The following SIRPA variants were observed in gnomAD, a reference collection of about 807,000 sequenced individuals.
The protein encoded by SIRPA is tyrosine-protein phosphatase non-receptor type substrate 1.
Under a neutral mutation model 50.3 loss-of-function variants are expected in SIRPA, and 9 were observed. The observed-to-expected ratio is 0.18, with a 90% confidence interval of 0.11 to 0.31. The LOEUF (loss-of-function observed/expected upper bound fraction) is 0.31, where lower values mean the gene tolerates loss of function less well. SIRPA is among the 10% of genes least tolerant of loss of function. The probability of loss-of-function intolerance (pLI) is 1.00; values close to 1 mark genes in which losing one functional copy is unlikely to be tolerated. For missense variants in SIRPA, 474 were observed against 661.6 expected, an observed-to-expected ratio of 0.72 and a Z score of 3.11; for synonymous variants, 265 against 284.1, an observed-to-expected ratio of 0.93 and a Z score of 0.68.
At position 1,921,603 on chromosome 20, in the gene SIRPA, G is replaced by T; in HGVS notation, c.645G>T (p.Val215=). The part of the protein sequence containing the change: ...VSYSIHSTAK[V]VLTREDVHSQ... Reference sequence around the variant, plus strand: ...ACAGCATCCACAGCACAGCCAAGGTGGTGCTGACCCGCGAGGACGTTCACT... The same window carrying T: ...ACAGCATCCACAGCACAGCCAAGGTTGTGCTGACCCGCGAGGACGTTCACT... The change falls in exon 3 of 8, where the codon GTG becomes GTT. Residue 215 remains valine, a synonymous_variant. Coordinates refer to ENST00000358771, the MANE Select transcript of SIRPA (RefSeq NM_001040023.2). 6.2e-7 allele frequency: 1 copy of T among 1,614,246 alleles called. No individual in the cohort carries two copies. Among genetic ancestry groups the T allele is most frequent in the Non-Finnish European group, 8.5e-7 (1 of 1,180,050 alleles).
chr20:1,904,124 C>A lies in SIRPA; in HGVS notation c.79+8598C>A, dbSNP rs538768244. Among the ~76,000 whole-genome samples the A allele has an allele frequency of 2.0e-4, 30 of 152,246 alleles. 1 individual carries two copies. The highest frequency in any genetic ancestry group is 7.8e-4 in the Admixed American group (12 of 15,290). The stretch of plus-strand genomic sequence containing the variant: ...TTCCCTAACTACCACAGTCCCCCCC[C>A]TGCAGCCAGGGCCGGGATCATACCA... On this transcript the variant is annotated intron_variant, in intron 1 of 7. Coordinates refer to ENST00000358771, the MANE Select transcript of SIRPA (RefSeq NM_001040023.2).
chr20:1,909,692 G>A (rs771779962), intron 1 of SIRPA, among the ~76,000 whole-genome samples: 3 of 152,190 alleles, frequency 2.0e-5, no homozygotes, highest in Non-Finnish European at 2.9e-5. Context: ...TGAGGCAGGA[G>A]AATTGCTTGA....
intron 1 of SIRPA, among the ~76,000 whole-genome samples, chr20:1,902,761 C>A (rs907223958): frequency 2.0e-5 from 3 of 152,132 alleles, no homozygotes; most frequent in African/African-American, 7.2e-5. Flanking sequence ...CCTATAATCC[C>A]AGCACTTTGG....
At position 1,937,441 on chromosome 20, in the gene SIRPA, C is replaced by G. The variant is rs370724960; in HGVS notation, c.1388C>G (p.Ala463Gly). The G allele has an allele frequency of 7.4e-5, 120 of 1,614,000 alleles. No homozygotes were observed. Among genetic ancestry groups the G allele is most frequent in the Non-Finnish European group, 9.3e-5 (110 of 1,180,024 alleles). Residue 463 changes from alanine (A) to glycine (G), a missense_variant, in exon 8 of 8, where the codon GCG becomes GGG. Physicochemically the swap from Ala to Gly is moderately conservative, Grantham distance 60. Around this residue, in one of 4 missense-constraint regions of SIRPA, gnomAD observed 180 missense variants for 206.7 expected, o/e 0.87. Coordinates refer to ENST00000358771, the MANE Select transcript of SIRPA (RefSeq NM_001040023.2). This position sits in a 1 kb window ranked among gnomAD's most constrained non-coding sequence, Gnocchi z 8.3. ...YASIQTSPQP[A>G]SEDTLTYADL... is the part of the protein sequence containing the mutation. ...AGCATTCAGACCAGCCCGCAGCCCGCGTCGGAGGACACCCTCACCTATGCT... is the reference window on the plus strand; with the variant it reads ...AGCATTCAGACCAGCCCGCAGCCCGGGTCGGAGGACACCCTCACCTATGCT...
upstream of SIRPA, chr20:1,894,713 G>A (rs1983650520): frequency 6.7e-6 from 1 of 148,548 alleles, no homozygotes; most frequent in African/African-American, 2.4e-5. This position sits in a 1 kb window ranked among gnomAD's most constrained non-coding sequence, Gnocchi z 4.0. Context: ...GGGGGAGGAC[G>A]CTGCCCTCCC....
intron 1 of SIRPA, among the ~76,000 whole-genome samples, chr20:1,903,136 G>C (rs750000366): frequency 5.9e-5 from 9 of 152,154 alleles, no homozygotes; most frequent in Non-Finnish European, 1.2e-4. Flanking sequence ...GAATGAGCTT[G>C]TATGTTCCAG....
intron 2 of SIRPA, among the ~76,000 whole-genome samples, chr20:1,919,396 G>A (rs939581733): frequency 6.6e-6 from 1 of 152,128 alleles, no homozygotes; most frequent in Non-Finnish European, 1.5e-5. Context: ...CTCTTGGGGT[G>A]CCAGATGGGA....
upstream of SIRPA, chr20:1,895,315 G>A: frequency 1.9e-6 from 1 of 532,802 alleles, no homozygotes; most frequent in Non-Finnish European, 2.9e-6. Context: ...CCAGGCGCCC[G>A]TTCCGGAGTC....
rs532202668 is a variant in SIRPA at position 1,928,196 on chromosome 20, A to C, written c.1226+297A>C. On this transcript the variant is annotated intron_variant, in intron 6 of 7. Transcript: ENST00000358771. This position sits in a 1 kb window ranked among gnomAD's most constrained non-coding sequence, Gnocchi z 4.9. ...GAGACCTCCCGGGCTTTCTGTCCTC[A>C]CAGACATCCTGCACACGCCACCGGA... Among the ~76,000 whole-genome samples the C allele has an allele frequency of 1.4e-3, 216 of 152,238 alleles. 1 individual carries two copies. The highest frequency in any genetic ancestry group is 5.1e-4 in the Non-Finnish European group (35 of 68,032).
In SIRPA at chr20:1,938,791, T is replaced by G. The variant is rs1986736821; in HGVS notation, c.*1223T>G. On this transcript the variant is annotated 3_prime_UTR_variant, in exon 8 of 8. Coordinates refer to ENST00000358771, the MANE Select transcript of SIRPA (RefSeq NM_001040023.2). ...CTTATCGAGACCCAATGCCTCAGTCTGCTCATCCGTAAAGTGGGGATAGTG... is the reference window on the plus strand; with the variant it reads ...CTTATCGAGACCCAATGCCTCAGTCGGCTCATCCGTAAAGTGGGGATAGTG... 6.6e-6 allele frequency: 1 copy of G among 152,556 alleles called. No individual in the cohort carries two copies. 9.5% of individuals were successfully genotyped at this position (152,556 alleles called of 1,614,324 possible).
chr20:1,901,571 T>G (rs1838173105), intron 1 of SIRPA, among the ~76,000 whole-genome samples: 1 of 152,162 alleles, frequency 6.6e-6, no homozygotes, highest in African/African-American at 2.4e-5. Flanking sequence ...AGCATCTATT[T>G]TCACAGCTGA....
rs2076553 is a variant in SIRPA at position 1,934,305 on chromosome 20, C to T, written c.1227-410C>T. Among the ~76,000 whole-genome samples, 14,233 of 152,112 alleles carry T rather than the reference C, an allele frequency of 0.094. 1,402 individuals are homozygous for T. Among genetic ancestry groups the T allele is most frequent in the East Asian group, 0.54 (2,795 of 5,150 alleles). On this transcript the variant is annotated intron_variant, in intron 6 of 7. Coordinates refer to ENST00000358771, the MANE Select transcript of SIRPA (RefSeq NM_001040023.2). This position sits in a 1 kb window ranked among gnomAD's most constrained non-coding sequence, Gnocchi z 4.6. Reference sequence around the variant, plus strand: ...GAAAGCTTTTTCTATATTTTGAATTCCCCCAAAAAAAAGTGCAATTATGAG... The same window carrying T: ...GAAAGCTTTTTCTATATTTTGAATTTCCCCAAAAAAAAGTGCAATTATGAG...
intron 1 of SIRPA, among the ~76,000 whole-genome samples, chr20:1,912,092 C>T (rs1189716983): frequency 6.6e-6 from 1 of 152,124 alleles, no homozygotes; most frequent in Non-Finnish European, 1.5e-5. Context: ...AATCTGGCTG[C>T]AGTCGGTGGA....
chr20:1,910,365 C>T (rs976679227), intron 1 of SIRPA, among the ~76,000 whole-genome samples: 2 of 152,068 alleles, frequency 1.3e-5, no homozygotes, highest in Non-Finnish European at 1.5e-5. Context: ...TTTTCCAAAA[C>T]CAATAAATGT....
At chr20:1,904,717 C>T (rs1220272169) in intron 1 of SIRPA, among the ~76,000 whole-genome samples, 1 of 152,184 alleles carries the variant, frequency 6.6e-6, no homozygotes, top group African/African-American at 2.4e-5. Flanking sequence ...GCGGGGAGAC[C>T]TGGAACCCAC....
rs758259237 is a variant in SIRPA at position 1,915,227 on chromosome 20, A to G, written c.208A>G (p.Arg70Gly). The change falls in exon 2 of 8, where the codon AGA (arginine) becomes GGA (glycine). Residue 70 changes from arginine (R) to glycine (G), a missense_variant. Physicochemically the swap from Arg to Gly is moderately radical, Grantham distance 125. Coordinates refer to ENST00000358771, the MANE Select transcript of SIRPA (RefSeq NM_001040023.2). ...LIPVGPIQWF[R>G]GAGPGRELIY... Reference sequence around the variant, plus strand: ...CCCTGTGGGGCCCATCCAGTGGTTCAGAGGAGCTGGACCAGGCCGGGAATT... The same window carrying G: ...CCCTGTGGGGCCCATCCAGTGGTTCGGAGGAGCTGGACCAGGCCGGGAATT... The G allele has an allele frequency of 6.2e-7, 1 of 1,610,974 alleles. No homozygotes were observed. Among genetic ancestry groups the G allele is most frequent in the African/African-American group, 1.3e-5 (1 of 74,264 alleles).
rs6136470 is a variant in SIRPA, at chr20:1,939,944, G to C, written c.*2376G>C. 6.6e-6 allele frequency: 1 copy of C among 152,468 alleles called. No homozygotes were observed. The highest frequency in any genetic ancestry group is 1.5e-5 in the Non-Finnish European group (1 of 68,052). 9.4% of individuals were successfully genotyped at this position (152,468 alleles called of 1,614,324 possible). On this transcript the variant is annotated 3_prime_UTR_variant, in exon 8 of 8. Transcript: ENST00000358771. The surrounding 1 kb of genome is among the most constrained non-coding windows in gnomAD (Gnocchi z 4.7). ...GTCTTTGTGAGTGCGTCCCGGGGCC[G>C]CCTCGGGGCCTGCCTGCCCTCCTGC...
chr20:1,914,572 T>C (rs78459689), intron 1 of SIRPA, among the ~76,000 whole-genome samples: 60,894 of 150,416 alleles, frequency 0.4, 12,721 homozygotes, highest in East Asian at 0.66. Context: ...TATTCTTGGT[T>C]ACCTGAGTGG....
chr20:1,925,029 C>G (rs1985898744), intron 5 of SIRPA, 152 bp downstream of exon 5: 1 of 654,250 alleles, frequency 1.5e-6, no homozygotes, highest in Non-Finnish European at 2.7e-6. Context: ...AGTGGCCTCA[C>G]CATGTTAGAG....
Sources: gnomAD v4.1 joint callset for allele counts (sites outside exome capture counted in the v4.1 genomes callset) on GRCh38, gnomAD v4.1.1 for gene constraint, gnomAD v4.1.1 regional missense constraint, Gnocchi (gnomAD v3.1) non-coding constraint, MANE v1.5 for transcripts, NCBI Gene and HGNC (gene_info 2026-07-23, HGNC 2026-07-21) for gene names.